RBFOX3: variants seen among roughly 807,000 people sequenced by gnomAD.
The protein encoded by RBFOX3 is RNA binding protein fox-1 homolog 3.
Under a neutral mutation model 48.7 loss-of-function variants are expected in RBFOX3, and 17 were observed. That is an observed-to-expected ratio of 0.35 (90% CI 0.24 to 0.52). The LOEUF is 0.52. RBFOX3 is among the 20% of genes least tolerant of loss of function. The pLI is 0.94. For missense variants in RBFOX3, 382 were observed against 497.5 expected, an observed-to-expected ratio of 0.77 and a Z score of 2.21; for synonymous variants, 212 against 209.5, an observed-to-expected ratio of 1.01 and a Z score of -0.10.
chr17:79,227,357 G>A (rs960025261), intron 4 of RBFOX3, among the ~76,000 whole-genome samples: 2 of 152,246 alleles, frequency 1.3e-5, no homozygotes, highest in African/African-American at 2.4e-5. Flanking sequence ...TTGATCCCAT[G>A]GACCAGATGG....
chr17:79,546,157 C>T (rs12603783), intron 1 of RBFOX3, among the ~76,000 whole-genome samples: 35,812 of 152,142 alleles, frequency 0.24, 5,153 homozygotes, highest in East Asian at 0.49. Flanking sequence ...TTTTCCATCT[C>T]CCTGATCTAT....
At chr17:79,197,345 T>C (rs998154456) in intron 4 of RBFOX3, among the ~76,000 whole-genome samples, 2 of 151,882 alleles carry the variant, frequency 1.3e-5, no homozygotes, top group East Asian at 1.9e-4. Context: ...CTCTTTTCTC[T>C]GGGACAAACC....
At position 79,238,189 on chromosome 17, in the gene RBFOX3, G is replaced by A. The variant is rs143567746; in HGVS notation, c.-73-2384C>T. On this transcript the variant is annotated intron_variant, in intron 3 of 14. Transcript: ENST00000693108. ...TGACCTCAGGTGATCCACCTGCCTC[G>A]GCCTCCCAGAGTGCTGGGATTACAG... Among the ~76,000 whole-genome samples the A allele has an allele frequency of 8.1e-3, 1,232 of 152,274 alleles. 15 individuals carry two copies. The highest frequency in any genetic ancestry group is 0.062 in the East Asian group (320 of 5,178).
intron 2 of RBFOX3, among the ~76,000 whole-genome samples, chr17:79,406,105 C>T (rs1239493117): frequency 6.6e-6 from 1 of 152,226 alleles, no homozygotes; most frequent in Non-Finnish European, 1.5e-5. Context: ...AATGTTTGGG[C>T]TGTTTCCATT....
In RBFOX3 at chr17:79,480,922, T is replaced by C. The variant is rs746488282; in HGVS notation, c.-175+1532A>G. On this transcript the variant is annotated intron_variant, in intron 2 of 14. Transcript: ENST00000693108. This position sits in a 1 kb window ranked among gnomAD's most constrained non-coding sequence, Gnocchi z 4.8. ...GGCCAGAACTTGACCTTGTCTCCAC[T>C]GCGTCTCCAGCACCCCAAACAGGGC... Among the ~76,000 whole-genome samples the C allele has an allele frequency of 1.3e-5, 2 of 152,292 alleles. No individual in the cohort carries two copies. Among genetic ancestry groups the C allele is most frequent in the East Asian group, 3.9e-4 (2 of 5,180 alleles).
intron 1 of RBFOX3, among the ~76,000 whole-genome samples, chr17:79,523,299 T>C (rs1204161879): frequency 6.6e-6 from 1 of 152,234 alleles, no homozygotes; most frequent in Non-Finnish European, 1.5e-5. Flanking sequence ...GCAAATTTTA[T>C]GTGATGTATA....
chr17:79,538,943 A>G (rs1172793935), intron 1 of RBFOX3, among the ~76,000 whole-genome samples: 1 of 152,248 alleles, frequency 6.6e-6, no homozygotes, highest in East Asian at 1.9e-4. Flanking sequence ...CAGGCTGTTC[A>G]CATAAATACG....
chr17:79,474,400 G>A (rs1351309408), intron 2 of RBFOX3, among the ~76,000 whole-genome samples: 1 of 152,186 alleles, frequency 6.6e-6, no homozygotes, highest in Non-Finnish European at 1.5e-5. Context: ...TGCTTGCACA[G>A]GTGTCGATAT....
At chr17:79,440,349 C>T (rs1167713476) in intron 2 of RBFOX3, among the ~76,000 whole-genome samples, 10 of 152,144 alleles carry the variant, frequency 6.6e-5, no homozygotes, top group African/African-American at 9.7e-5. Context: ...ATTTATTGTC[C>T]CCTGTGACTA....
chr17:79,138,128 A>G (rs1279697501), intron 4 of RBFOX3, among the ~76,000 whole-genome samples: 4 of 151,940 alleles, frequency 2.6e-5, no homozygotes, highest in Non-Finnish European at 5.9e-5. Context: ...GAGCCTCTCC[A>G]GGCACCCAGA....
chr17:79,258,782 GA>G (rs2065270616), intron 3 of RBFOX3, among the ~76,000 whole-genome samples: 3 of 152,164 alleles, frequency 2.0e-5, no homozygotes, highest in Admixed American at 1.3e-4. Flanking sequence ...CTCCTAGTGG[GA>G]ATCCCACCCT....
At chr17:79,619,411 G>A in the RBFOX3 span, among the ~76,000 whole-genome samples, 2 of 152,252 alleles carry the variant, frequency 1.3e-5, no homozygotes, top group African/African-American at 4.8e-5. Flanking sequence ...TTCCCTCCTC[G>A]CTCCTGGGGG....
At chr17:79,562,116 C>A (rs1045908080) in intron 1 of RBFOX3, among the ~76,000 whole-genome samples, 5 of 152,254 alleles carry the variant, frequency 3.3e-5, no homozygotes, top group Admixed American at 6.5e-5. Context: ...GAAATTAATT[C>A]TCCCCCTAAA....
intron 2 of RBFOX3, among the ~76,000 whole-genome samples, chr17:79,346,641 G>T (rs2082972164): frequency 6.6e-6 from 1 of 152,156 alleles, no homozygotes; most frequent in Admixed American, 6.5e-5. Flanking sequence ...GAATTAATCA[G>T]AATTGCATTG....
At chr17:79,179,541 C>T (rs2051394396) in intron 4 of RBFOX3, among the ~76,000 whole-genome samples, 2 of 152,142 alleles carry the variant, frequency 1.3e-5, no homozygotes, top group Non-Finnish European at 2.9e-5. Context: ...CAGCCCCCTC[C>T]CCTCCCCTTA....
chr17:79,585,709 T>C (rs943398477), intron 1 of RBFOX3, among the ~76,000 whole-genome samples: 91 of 152,238 alleles, frequency 6.0e-4, no homozygotes, highest in African/African-American at 2.2e-3. Flanking sequence ...AAGAGGATGA[T>C]GCCTCTAGGA....
chr17:79,170,970 A>G (rs896951887), intron 4 of RBFOX3, among the ~76,000 whole-genome samples: 3 of 152,136 alleles, frequency 2.0e-5, no homozygotes, highest in African/African-American at 7.2e-5. Context: ...CCACAGGTCC[A>G]GACCCCAAAC....
the RBFOX3 span, among the ~76,000 whole-genome samples, chr17:79,652,094 C>A: frequency 6.6e-6 from 1 of 152,032 alleles, no homozygotes; most frequent in Non-Finnish European, 1.5e-5. Flanking sequence ...AACCAGATCC[C>A]CCGCCCATGG....
Position 79,363,537 on chromosome 17 carries a change from A to G in RBFOX3, c.-174-55713T>C, listed in dbSNP as rs1209113983. On this transcript the variant is annotated intron_variant, in intron 2 of 14. Transcript: ENST00000693108. This position sits in a 1 kb window ranked among gnomAD's most constrained non-coding sequence, Gnocchi z 4.7. ...ATCTCAGATCTTCTGAGGATGCCCAACACAAGGCTCAATTCCCCTTCCTGT... is the reference window on the plus strand; with the variant it reads ...ATCTCAGATCTTCTGAGGATGCCCAGCACAAGGCTCAATTCCCCTTCCTGT... Among the ~76,000 whole-genome samples the G allele has an allele frequency of 6.6e-6, 1 of 151,956 alleles. No homozygotes were observed. The highest frequency in any genetic ancestry group is 2.4e-5 in the African/African-American group (1 of 41,340).
Sources: gnomAD v4.1 joint callset for allele counts (sites outside exome capture counted in the v4.1 genomes callset) on GRCh38, gnomAD v4.1.1 for gene constraint, Gnocchi (gnomAD v3.1) non-coding constraint, MANE v1.5 for transcripts, NCBI Gene and HGNC (gene_info 2026-07-23, HGNC 2026-07-21) for gene names.